Variants in DDX42 observed in about 807,000 individuals in gnomAD.
DDX42 encodes the protein ATP-dependent RNA helicase DDX42.
In DDX42, 22 loss-of-function variants were observed where a neutral mutation model predicts 101.5. That is an observed-to-expected ratio of 0.22 (90% CI 0.15 to 0.31). DDX42 has a LOEUF of 0.31. DDX42 is among the 10% of genes least tolerant of loss of function. DDX42 has a pLI of 1.00. For missense variants in DDX42, 849 were observed against 1,199.9 expected (o/e 0.71, Z 4.32); for synonymous variants, 402 against 401.2 (o/e 1.00, Z -0.02).
At chr17:63,808,322 C>T (rs375082896) in intron 9 of DDX42, among the ~76,000 whole-genome samples, 10 of 152,140 alleles carry the variant, frequency 6.6e-5, no homozygotes, top group South Asian at 2.1e-4. Context: ...CACGGGCACA[C>T]GCCACCACAC....
intron 1 of DDX42, 86 bp from the exon 2 acceptor site, chr17:63,786,948 T>C: frequency 7.3e-7 from 1 of 1,378,766 alleles, no homozygotes; most frequent in East Asian, 2.4e-5. Flanking sequence ...AGTGCTGGGA[T>C]TACAGGCGTG....
At chr17:63,798,862 A>G (rs2039726082) in intron 4 of DDX42, among the ~76,000 whole-genome samples, 1 of 152,094 alleles carries the variant, frequency 6.6e-6, no homozygotes. Context: ...TTTGGTATTC[A>G]CTGTATGTCA....
At chr17:63,801,746 C>T (rs1020492062) in intron 6 of DDX42, among the ~76,000 whole-genome samples, 1 of 152,092 alleles carries the variant, frequency 6.6e-6, no homozygotes, top group Non-Finnish European at 1.5e-5. Context: ...TGAGCCACTG[C>T]ATCCGGTCAC....
chr17:63,811,054 C>T (rs762580520), intron 12 of DDX42, 22 bp from the exon 13 acceptor site: 3 of 1,601,234 alleles, frequency 1.9e-6, no homozygotes, highest in Admixed American at 1.7e-5. Context: ...GTTTCTCTAA[C>T]AGAATTTATC....
chr17:63,804,340 T>A (rs112221671), intron 6 of DDX42, among the ~76,000 whole-genome samples: 2,454 of 152,236 alleles, frequency 0.016, 65 homozygotes, highest in African/African-American at 0.054. Context: ...GATGTGCTTA[T>A]GTTTTGTATA....
intron 17 of DDX42, 38 bp from the exon 18 acceptor site, chr17:63,817,656 G>A (rs1336449450): frequency 6.3e-7 from 1 of 1,586,794 alleles, no homozygotes; most frequent in African/African-American, 1.3e-5. Context: ...TCTTGAACTT[G>A]CTATCTTACC....
intron 15 of DDX42, 38 bp from the exon 16 acceptor site, chr17:63,815,525 C>T (rs758652381): frequency 2.7e-6 from 4 of 1,469,096 alleles, no homozygotes; most frequent in Admixed American, 3.5e-5. Context: ...GTTCTTTTCT[C>T]CCTCCCTTGA....
At position 63,811,965 on chromosome 17, in the gene DDX42, C is replaced by T; in HGVS notation, c.1432C>T (p.Leu478Phe). ...AGATGTGACACAGATTGTGGAGATT[C>T]TCCATTCTGGACCTAGTAAATGGAA... ...NEDVTQIVEILHSGPSKWNWL... is the reference protein window; with the variant it reads ...NEDVTQIVEIFHSGPSKWNWL... The change falls in exon 14 of 18, where the codon CTC becomes TTC. Residue 478 changes from leucine (L) to phenylalanine (F), a missense_variant. Leu to Phe is a conservative substitution (Grantham distance 22, BLOSUM62 0). Coordinates refer to ENST00000389924, the MANE Select transcript of DDX42 (RefSeq NM_203499.3). 3 of 1,614,236 alleles carry T rather than the reference C, an allele frequency of 1.9e-6. No homozygotes were observed. The highest frequency in any genetic ancestry group is 2.5e-6 in the Non-Finnish European group (3 of 1,180,048).
At chr17:63,774,596 C>T (rs527954737) in intron 1 of DDX42, 16 of 156,142 alleles carry the variant, frequency 1.0e-4, no homozygotes, top group Non-Finnish European at 1.3e-4. Context: ...GCTCCCGCTT[C>T]CCTCACAAGT....
chr17:63,811,331 C>A, intron 13 of DDX42, 158 bp downstream of exon 13: 1 of 534,908 alleles, frequency 1.9e-6, no homozygotes, highest in Non-Finnish European at 3.2e-6. Context: ...TGGGGATAGA[C>A]GTAACAAGAC....
chr17:63,779,458 C>A (rs1165109585), intron 1 of DDX42, among the ~76,000 whole-genome samples: 4 of 152,084 alleles, frequency 2.6e-5, no homozygotes, highest in Admixed American at 2.6e-4. Flanking sequence ...GAAATCAGGT[C>A]TTTCATTGTT....
At chr17:63,782,536 A>T (rs2039501381) in intron 1 of DDX42, among the ~76,000 whole-genome samples, 1 of 152,144 alleles carries the variant, frequency 6.6e-6, no homozygotes, top group Non-Finnish European at 1.5e-5. Flanking sequence ...CAGTTCACCC[A>T]GTCTTTAAAG....
chr17:63,812,126 T>A lies in DDX42; in HGVS notation c.1593T>A (p.Asp531Glu). The change falls in exon 14 of 18, where the codon GAT becomes GAA. Residue 531 changes from aspartate (D) to glutamate (E), a missense_variant. By Grantham distance (45) the Asp-to-Glu change is conservative (BLOSUM62 2). This residue lies in a region of DDX42 where 370 missense variants were observed against 608.8 expected (regional missense o/e 0.61). Transcript: ENST00000389924. ...ATAATCTTGGGCTGCTCCATGGGGA[T>A]ATGGATCAGAGTGAGAGAAACAAGG... The part of the protein sequence containing the change: ...EGHNLGLLHG[D>E]MDQSERNKVI... The A allele has an allele frequency of 8.1e-6, 13 of 1,614,186 alleles. No homozygotes were observed. Among genetic ancestry groups the A allele is most frequent in the Non-Finnish European group, 1.1e-5 (13 of 1,180,026 alleles).
intron 1 of DDX42, among the ~76,000 whole-genome samples, chr17:63,779,722 G>A (rs945523754): frequency 4.6e-5 from 7 of 151,704 alleles, no homozygotes; most frequent in African/African-American, 1.7e-4. Context: ...CTCTGAGTTT[G>A]ACTATTCTAG....
intron 6 of DDX42, among the ~76,000 whole-genome samples, chr17:63,804,531 G>C (rs2039814668): frequency 6.6e-6 from 1 of 152,200 alleles, no homozygotes; most frequent in Non-Finnish European, 1.5e-5. Context: ...TAAATGCTTA[G>C]AGCTAGGTTA....
chr17:63,776,935 G>C (rs1047295915), intron 1 of DDX42, among the ~76,000 whole-genome samples: 1 of 152,156 alleles, frequency 6.6e-6, no homozygotes, highest in South Asian at 2.1e-4. Context: ...TTTAGAGACT[G>C]TCTTGCTGTG....
chr17:63,777,163 C>A (rs1420318421), intron 1 of DDX42, among the ~76,000 whole-genome samples: 2 of 152,184 alleles, frequency 1.3e-5, no homozygotes, highest in Non-Finnish European at 2.9e-5. Flanking sequence ...CCCACCTTGG[C>A]CTCCCAAAGG....
At chr17:63,809,367 T>C (rs546839742) in intron 10 of DDX42, among the ~76,000 whole-genome samples, 193 bp from the exon 11 acceptor site, 1 of 152,298 alleles carries the variant, frequency 6.6e-6, no homozygotes, top group East Asian at 1.9e-4. Flanking sequence ...ACAGTGTAAA[T>C]GAAGATGCCG....
chr17:63,797,269 T>C (rs1285601230), intron 3 of DDX42, among the ~76,000 whole-genome samples: 1 of 148,914 alleles, frequency 6.7e-6, no homozygotes, highest in South Asian at 2.1e-4. Flanking sequence ...GGAGAATCGC[T>C]TGAACCTGGG....
Sources: allele counts gnomAD v4.1 joint callset (sites outside exome capture counted in the v4.1 genomes callset), GRCh38; gene constraint gnomAD v4.1.1; regional missense constraint gnomAD v4.1.1; transcripts MANE v1.5; gene names NCBI Gene and HGNC (gene_info 2026-07-23, HGNC 2026-07-21).